CLOCK: variants seen among roughly 807,000 people sequenced by gnomAD.
CLOCK encodes clock circadian regulator, also known as circadian locomoter output cycles protein kaput.
CLOCK carries 43 observed loss-of-function variants against 118.4 expected under a neutral mutation model. The ratio of observed to expected loss-of-function variants is 0.36; its 90% CI spans 0.28 to 0.47. CLOCK has a LOEUF of 0.47. CLOCK is among the 20% of genes least tolerant of loss of function. The pLI, the probability that CLOCK is intolerant of heterozygous loss-of-function variation, is 1.00. For missense variants in CLOCK, 846 were observed against 999.9 expected (o/e 0.85, Z 2.08); for synonymous variants, 326 against 339.2 (o/e 0.96, Z 0.43).
In CLOCK at chr4:55,470,723, AT is replaced by A. The variant is rs1726081367; in HGVS notation, c.431del (p.His144LeufsTer37). On this transcript the variant is annotated frameshift_variant, in exon 8 of 23. Transcript: ENST00000513440. LOFTEE classifies it high-confidence loss of function. ...VSESVTSLLEHLPSDLVDQSI... is the reference protein window; with the variant it reads ...VSESVTSLLEXLPSDLVDQSI... The stretch of plus-strand genomic sequence containing the variant: ...GTAGGATCTTTATACTTACTGGTAA[AT>A]GTTCAAGTAATGAAGTTACACTCTC... 1 of 1,590,332 alleles carries A rather than the reference AT, an allele frequency of 6.3e-7. No homozygotes were observed. Among genetic ancestry groups the A allele is most frequent in the South Asian group, 1.1e-5 (1 of 90,152 alleles).
intron 1 of CLOCK, among the ~76,000 whole-genome samples, chr4:55,530,658 C>T (rs925785618): frequency 3.3e-5 from 5 of 149,730 alleles, no homozygotes; most frequent in African/African-American, 1.2e-4. Flanking sequence ...GCCTGTAATC[C>T]CATCTACTGC....
intron 1 of CLOCK, among the ~76,000 whole-genome samples, chr4:55,512,730 T>A (rs1042802750): frequency 4.6e-5 from 7 of 152,230 alleles, no homozygotes; most frequent in African/African-American, 1.7e-4. Flanking sequence ...CATTTTGAGT[T>A]AATTTTTATG....
chr4:55,526,775 T>C (rs1730220589), intron 1 of CLOCK, among the ~76,000 whole-genome samples: 1 of 151,800 alleles, frequency 6.6e-6, no homozygotes, highest in Non-Finnish European at 1.5e-5. Context: ...GGTGAAACCC[T>C]GTCTCTACTA....
intron 15 of CLOCK, 79 bp from the exon 16 acceptor site, chr4:55,450,311 C>CA (rs1013888022): frequency 3.1e-5 from 49 of 1,563,084 alleles, no homozygotes; most frequent in African/African-American, 1.5e-4. Flanking sequence ...TTAACAACAA[C>CA]AAAAAAATCA....
At chr4:55,472,136 C>T (rs1282691673) in intron 7 of CLOCK, among the ~76,000 whole-genome samples, 1 of 151,858 alleles carries the variant, frequency 6.6e-6, no homozygotes, top group Non-Finnish European at 1.5e-5. Flanking sequence ...ACACTGTCGT[C>T]AAGGAATCAA....
At chr4:55,457,178 C>A (rs1577715671) in intron 11 of CLOCK, among the ~76,000 whole-genome samples, 2 of 152,076 alleles carry the variant, frequency 1.3e-5, no homozygotes, top group East Asian at 3.8e-4. Context: ...TGTCCTCATA[C>A]ATCTCAAATT....
chr4:55,479,181 T>C (rs1436514730), intron 5 of CLOCK: 2 of 440,742 alleles, frequency 4.5e-6, no homozygotes, highest in Non-Finnish European at 8.0e-6. Flanking sequence ...TTGACAAACA[T>C]GTTTTTATGA....
At chr4:55,511,058 G>A (rs944526304) in intron 1 of CLOCK, among the ~76,000 whole-genome samples, 1 of 152,168 alleles carries the variant, frequency 6.6e-6, no homozygotes, top group African/African-American at 2.4e-5. Flanking sequence ...CCCAAGGAAT[G>A]ACTGCCCTGG....
Position 55,479,073 on chromosome 4 carries a change from TG to T in CLOCK, c.108-111del, listed in dbSNP as rs1198899664. On this transcript the variant is annotated intron_variant, in intron 5 of 22. Coordinates refer to ENST00000513440, the MANE Select transcript of CLOCK (RefSeq NM_004898.4). Reference sequence around the variant, plus strand: ...CAGCATGTACTTCTATCAACATAGATGGTAACAAATATCTTCCAGGTTACCA... The same window carrying T: ...CAGCATGTACTTCTATCAACATAGATGTAACAAATATCTTCCAGGTTACCA... 1.0e-5 allele frequency: 9 copies of T among 876,182 alleles called. No individual in the cohort carries two copies. In the African/African-American group the frequency reaches 1.5e-4, roughly 15 times the overall value. 54.3% of individuals were successfully genotyped at this position (876,182 alleles called of 1,614,324 possible).
intron 1 of CLOCK, among the ~76,000 whole-genome samples, chr4:55,537,712 T>C (rs1047719202): frequency 1.3e-5 from 2 of 152,206 alleles, no homozygotes; most frequent in African/African-American, 4.8e-5. Flanking sequence ...GAGGATCACT[T>C]GAGCCTGAGA....
chr4:55,502,891 T>G (rs1046100410), intron 2 of CLOCK, among the ~76,000 whole-genome samples: 2 of 152,224 alleles, frequency 1.3e-5, no homozygotes, highest in African/African-American at 4.8e-5. Flanking sequence ...AACAGGCATT[T>G]GAAAATATTC....
intron 22 of CLOCK, 57 bp from the exon 23 acceptor site, chr4:55,435,651 A>T: frequency 6.4e-7 from 1 of 1,552,556 alleles, no homozygotes; most frequent in Non-Finnish European, 8.9e-7. Flanking sequence ...CACCCACATA[A>T]TAGTTACTCA....
At chr4:55,520,507 A>G (rs897346182) in intron 1 of CLOCK, among the ~76,000 whole-genome samples, 10 of 152,172 alleles carry the variant, frequency 6.6e-5, no homozygotes, top group Admixed American at 5.2e-4. Flanking sequence ...AGAAAACAAC[A>G]CCTGAGGCAA....
At position 55,448,835 on chromosome 4, in the gene CLOCK, T is replaced by C. The variant is rs1404217736; in HGVS notation, c.1483A>G (p.Thr495Ala). 6.2e-7 allele frequency: 1 copy of C among 1,613,828 alleles called. No individual in the cohort carries two copies. Among genetic ancestry groups the C allele is most frequent in the African/African-American group, 1.3e-5 (1 of 74,928 alleles). Residue 495 changes from threonine (T) to alanine (A), a missense_variant, in exon 18 of 23, where the codon ACA becomes GCA. Thr to Ala is a moderately conservative substitution (Grantham distance 58). Transcript: ENST00000513440. The stretch of plus-strand genomic sequence containing the variant: ...GTAGCTTGAGACATCACTGGCTGTG[T>C]TAATGATGAACCAACAGACTGGGAA... Reference protein sequence around the residue: ...INSQSVGSSLTQPVMSQATNL... With the variant: ...INSQSVGSSLAQPVMSQATNL...
In CLOCK at chr4:55,435,026, G is replaced by A; in HGVS notation, c.*389C>T. 3.4e-6 allele frequency: 1 copy of A among 290,862 alleles called. No individual in the cohort carries two copies. Among genetic ancestry groups the A allele is most frequent in the Non-Finnish European group, 6.8e-6 (1 of 147,302 alleles). The allele number at this position is 290,862 out of a possible 1,614,324, so 18.0% of individuals were successfully genotyped here. A position where few individuals can be genotyped will look rare whatever the true frequency, so the allele number is the denominator to read the frequency against. The stretch of plus-strand genomic sequence containing the variant: ...GTAAGCAAACCCCTGACATGGCAGT[G>A]GTATGTCCTCTGTAACACTTGATAA... On this transcript the variant is annotated 3_prime_UTR_variant, in exon 23 of 23. Transcript: ENST00000513440.
At position 55,448,774 on chromosome 4, in the gene CLOCK, AG is replaced by A; in HGVS notation, c.1539+4del. On this transcript the variant is annotated splice_donor_region_variant and intron_variant, in intron 18 of 22. Transcript: ENST00000513440. ...TACGCAACTGAAACAAAAACCAAAAAGTACCTGGGACATGCCTTGTGGAATT... is the reference window on the plus strand; with the variant it reads ...TACGCAACTGAAACAAAAACCAAAAATACCTGGGACATGCCTTGTGGAATT... The A allele has an allele frequency of 1.2e-6, 2 of 1,612,482 alleles. No homozygotes were observed. The highest frequency in any genetic ancestry group is 1.7e-6 in the Non-Finnish European group (2 of 1,178,724).
At chr4:55,470,891 G>C in intron 7 of CLOCK, 85 bp from the exon 8 acceptor site, 1 of 924,404 alleles carries the variant, frequency 1.1e-6, no homozygotes, top group Non-Finnish European at 1.7e-6. Context: ...AAATGACAAA[G>C]GATTTAATAT....
At chr4:55,537,875 A>G (rs1246702604) in intron 1 of CLOCK, among the ~76,000 whole-genome samples, 1 of 152,162 alleles carries the variant, frequency 6.6e-6, no homozygotes, top group Non-Finnish European at 1.5e-5. Flanking sequence ...CAAATCAATG[A>G]CCTCAGCTTC....
At chr4:55,506,856 C>G (rs958850699) in intron 2 of CLOCK, among the ~76,000 whole-genome samples, 1 of 152,050 alleles carries the variant, frequency 6.6e-6, no homozygotes, top group African/African-American at 2.4e-5. Flanking sequence ...CCACCACGCC[C>G]GGTCTATAGT....
Sources: gnomAD v4.1 joint callset for allele counts (sites outside exome capture counted in the v4.1 genomes callset) on GRCh38, gnomAD v4.1.1 for gene constraint, MANE v1.5 for transcripts, NCBI Gene and HGNC (gene_info 2026-07-23, HGNC 2026-07-21) for gene names.